The following HERC2 variants were observed in gnomAD, a reference collection of about 807,000 sequenced individuals.
The protein encoded by HERC2 is HECT and RLD domain containing E3 ubiquitin protein ligase 2, also known as E3 ubiquitin-protein ligase HERC2.
Under a neutral mutation model 537.7 loss-of-function variants are expected in HERC2, and 102 were observed. The ratio of observed to expected loss-of-function variants is 0.19; its 90% CI spans 0.16 to 0.22. The LOEUF (loss-of-function observed/expected upper bound fraction) is 0.22, where lower values mean the gene tolerates loss of function less well. Among genes scored for constraint, HERC2 ranks in the 10% least tolerant of loss-of-function variants. The pLI, the probability that HERC2 is intolerant of heterozygous loss-of-function variation, is 1.00. For synonymous variants in HERC2, 2,224 were observed against 2,466.2 expected, an observed-to-expected ratio of 0.90 and a Z score of 2.91; for missense variants, 4,236 against 6,198.2, an observed-to-expected ratio of 0.68 and a Z score of 10.63.
chr15:28,115,527 T>C lies in HERC2; in HGVS notation c.13624A>G (p.Ile4542Val), dbSNP rs199904662. Residue 4542 changes from isoleucine to valine, a missense_variant, in exon 89 of 93, where the codon ATT (isoleucine) becomes GTT (valine). Physicochemically the swap from Ile to Val is conservative, Grantham distance 29. This residue lies in a region of HERC2 where 313 missense variants were observed against 462.6 expected (regional missense o/e 0.68). Coordinates refer to ENST00000261609, the MANE Select transcript of HERC2 (RefSeq NM_004667.6). ...AGGGGACTCCCGGTTCGGATGGCAA[T>C]GCCCAGCAACACACCTGATCATTCA... ...MFRFLGVLLGIAIRTGSPLSL... is the reference protein window; with the variant it reads ...MFRFLGVLLGVAIRTGSPLSL... The C allele has an allele frequency of 4.2e-5, 67 of 1,613,562 alleles. No homozygotes were observed. Among genetic ancestry groups the C allele is most frequent in the Non-Finnish European group, 5.6e-5 (66 of 1,179,768 alleles).
intron 83 of HERC2, 84 bp from the exon 84 acceptor site, chr15:28,125,277 C>A: frequency 9.3e-7 from 1 of 1,080,172 alleles, no homozygotes; most frequent in Non-Finnish European, 1.4e-6. Flanking sequence ...CCACACACAG[C>A]ACCAACGCTC....
At chr15:28,216,448 C>T (rs1400375224) in intron 38 of HERC2, among the ~76,000 whole-genome samples, 7 of 150,786 alleles carry the variant, frequency 4.6e-5, no homozygotes, top group Non-Finnish European at 1.0e-4. Context: ...CTCCGCCTGG[C>T]TCCAGGACTC....
intron 3 of HERC2, among the ~76,000 whole-genome samples, chr15:28,298,809 A>T (rs1194998134): frequency 1.3e-5 from 2 of 150,650 alleles, no homozygotes; most frequent in Non-Finnish European, 1.5e-5. Context: ...CAAAAAAAAG[A>T]AGAAGAAGAA....
chr15:28,272,449 C>A, intron 8 of HERC2, 63 bp from the exon 9 acceptor site: 2 of 1,460,892 alleles, frequency 1.4e-6, no homozygotes, highest in South Asian at 1.2e-5. Flanking sequence ...CACAGTTGAT[C>A]AAAAATAAAA....
chr15:28,186,232 T>A (rs1896297127), intron 56 of HERC2, among the ~76,000 whole-genome samples: 1 of 152,142 alleles, frequency 6.6e-6, no homozygotes, highest in South Asian at 2.1e-4. Flanking sequence ...AAAAGAGCTT[T>A]AAAATATACC....
chr15:28,129,634 T>C (rs1889889009), intron 83 of HERC2, among the ~76,000 whole-genome samples: 1 of 152,252 alleles, frequency 6.6e-6, no homozygotes, highest in Non-Finnish European at 1.5e-5. Flanking sequence ...CGTCTCAGGC[T>C]GGCTGCTAGC....
chr15:28,194,227 G>A (rs559435043), intron 52 of HERC2, among the ~76,000 whole-genome samples: 8 of 148,588 alleles, frequency 5.4e-5, no homozygotes, highest in Admixed American at 1.3e-4. Flanking sequence ...CACCACGCCC[G>A]GCTAATTTTT....
Position 28,309,912 on chromosome 15 carries a change from A to T in HERC2, c.73-10396T>A, listed in dbSNP as rs139027864. ...CAGCACTCTTATTTTTTCTGTTCAC[A>T]TCACTAACAGGATAACTGCCATAAA... On this transcript the variant is annotated intron_variant, in intron 2 of 92. Coordinates refer to ENST00000261609, the MANE Select transcript of HERC2 (RefSeq NM_004667.6). 3.9e-3 allele frequency among the ~76,000 whole-genome samples: 596 copies of T among 152,356 alleles called. 2 individuals carry two copies. The highest frequency in any genetic ancestry group is 7.2e-3 in the Non-Finnish European group (489 of 68,036).
intron 34 of HERC2, 98 bp from the exon 35 acceptor site, chr15:28,228,507 T>C: frequency 2.7e-6 from 3 of 1,097,120 alleles, no homozygotes; most frequent in Non-Finnish European, 2.7e-6. Context: ...TCTGACTATT[T>C]TGAAACCCAC....
intron 44 of HERC2, among the ~76,000 whole-genome samples, chr15:28,206,904 G>A (rs932669875): frequency 8.2e-5 from 12 of 146,130 alleles, no homozygotes; most frequent in South Asian, 2.2e-4. Context: ...CCAGCTACTC[G>A]CAAGGCTGAG....
In HERC2 at chr15:28,193,007, T is replaced by G. The variant is rs185450859; in HGVS notation, c.8261-856A>C. Among the ~76,000 whole-genome samples, 76 of 152,172 alleles carry G rather than the reference T, an allele frequency of 5.0e-4. No homozygotes were observed. The East Asian group carries it at 9.7e-3, about 19-fold the overall frequency. On this transcript the variant is annotated intron_variant, in intron 52 of 92. Transcript: ENST00000261609. ...GAATGCTGATTAAGGTAAGCCCAGATAGTCACTAACCTTTACCAAGTAGCT... is the reference window on the plus strand; with the variant it reads ...GAATGCTGATTAAGGTAAGCCCAGAGAGTCACTAACCTTTACCAAGTAGCT...
chr15:28,256,990 A>G (rs575445107), intron 17 of HERC2, 71 bp downstream of exon 17: 15 of 1,351,596 alleles, frequency 1.1e-5, no homozygotes, highest in Non-Finnish European at 1.6e-5. Context: ...TGCCCTTCAA[A>G]ATACATAAAC....
Position 28,233,297 on chromosome 15 carries a change from A to C in HERC2, c.4524T>G (p.Pro1508=). The C allele has an allele frequency of 2.6e-6, 4 of 1,542,466 alleles. No individual in the cohort carries two copies. Among genetic ancestry groups the C allele is most frequent in the Non-Finnish European group, 2.7e-6 (3 of 1,118,364 alleles). ...QGRSYKEVCA[P]VIERLRFLFN... ...AGAGGAATCTCAAACGTTCGATGACAGGAGCGCAGACCTCCTTGTAAGAAC... is the reference window on the plus strand; with the variant it reads ...AGAGGAATCTCAAACGTTCGATGACCGGAGCGCAGACCTCCTTGTAAGAAC... Residue 1508 remains proline (P), a synonymous_variant, in exon 30 of 93, where the codon CCT becomes CCG. Coordinates refer to ENST00000261609, the MANE Select transcript of HERC2 (RefSeq NM_004667.6).
At chr15:28,302,661 TGCCA>T (rs1199199171) in intron 2 of HERC2, among the ~76,000 whole-genome samples, 1 of 119,198 alleles carries the variant, frequency 8.4e-6, no homozygotes, top group Non-Finnish European at 1.7e-5. Context: ...TCTATATTCT[TGCCA>T]GCATTTGTTC....
intron 70 of HERC2, among the ~76,000 whole-genome samples, chr15:28,147,564 G>C (rs1891887469): frequency 6.6e-6 from 1 of 152,084 alleles, no homozygotes; most frequent in African/African-American, 2.4e-5. Flanking sequence ...CTTGAGCCCA[G>C]AGTTTGGGGC....
At chr15:28,128,062 C>T (rs1013752769) in intron 83 of HERC2, among the ~76,000 whole-genome samples, 6 of 152,118 alleles carry the variant, frequency 3.9e-5, no homozygotes, top group African/African-American at 1.2e-4. Context: ...TGAACTGTGA[C>T]GATCAAAGAC....
At position 28,218,502 on chromosome 15, in the gene HERC2, C is replaced by A. The variant is rs753803641; in HGVS notation, c.6015G>T (p.Thr2005=). The A allele has an allele frequency of 1.3e-6, 2 of 1,595,584 alleles. No homozygotes were observed. Among genetic ancestry groups the A allele is most frequent in the South Asian group, 1.1e-5 (1 of 90,976 alleles). The part of the protein sequence containing the change: ...GLLRMLVESG[T]TDKTSSPNRL... ...CTCATTCCATACATGTCTTGTCCGT[C>A]GTTCCGCTTTCCACTAACATTCGCA... Residue 2005 remains threonine (T), a synonymous_variant, in exon 38 of 93, where the codon ACG becomes ACT. Coordinates refer to ENST00000261609, the MANE Select transcript of HERC2 (RefSeq NM_004667.6).
At chr15:28,296,793 AG>A (rs2076482251) in intron 3 of HERC2, among the ~76,000 whole-genome samples, 1 of 151,798 alleles carries the variant, frequency 6.6e-6, no homozygotes, top group East Asian at 1.9e-4. Flanking sequence ...GAAAATTTCA[AG>A]TCAGAGAGAA....
chr15:28,117,601 C>T (rs993766535), intron 86 of HERC2: 7 of 459,502 alleles, frequency 1.5e-5, no homozygotes, highest in African/African-American at 4.0e-5. Flanking sequence ...AACAGACTCC[C>T]GGCACTCAAA....
Sources: gnomAD v4.1 joint callset for allele counts (sites outside exome capture counted in the v4.1 genomes callset) on GRCh38, gnomAD v4.1.1 for gene constraint, gnomAD v4.1.1 regional missense constraint, MANE v1.5 for transcripts, NCBI Gene and HGNC (gene_info 2026-07-23, HGNC 2026-07-21) for gene names.